NNT: variants seen among roughly 807,000 people sequenced by gnomAD.
The protein encoded by NNT is nicotinamide nucleotide transhydrogenase.
In NNT, 50 loss-of-function variants were observed where a neutral mutation model predicts 104.8. The observed-to-expected ratio is 0.48, with a 90% CI of 0.38 to 0.60. The LOEUF (loss-of-function observed/expected upper bound fraction) is 0.60, where lower values mean the gene tolerates loss of function less well. Ranked by LOEUF, NNT falls within the 20% of genes least tolerant of loss-of-function variation. NNT has a pLI of 0.00. For synonymous variants in NNT, 461 were observed against 490.4 expected, an observed-to-expected ratio of 0.94 and a Z score of 0.79; for missense variants, 1,131 against 1,330.7, an observed-to-expected ratio of 0.85 and a Z score of 2.33.
At chr5:43,669,952 T>G (rs1443708511) in intron 17 of NNT, among the ~76,000 whole-genome samples, 1 of 152,124 alleles carries the variant, frequency 6.6e-6, no homozygotes, top group Non-Finnish European at 1.5e-5. Context: ...ATTGCCTCAA[T>G]TTCAGAGCCT....
chr5:43,671,594 G>T (rs535214249), intron 17 of NNT, among the ~76,000 whole-genome samples: 88 of 152,306 alleles, frequency 5.8e-4, no homozygotes, highest in African/African-American at 2.0e-3. Flanking sequence ...TTTTCTTTAA[G>T]AATGTTGAAT....
intron 4 of NNT, among the ~76,000 whole-genome samples, chr5:43,616,613 A>G (rs1221504860): frequency 6.6e-6 from 1 of 152,252 alleles, no homozygotes; most frequent in Non-Finnish European, 1.5e-5. Context: ...CTTTAAGGTC[A>G]AGATGGTAAT....
At chr5:43,650,843 TG>T (rs1739720482) in intron 12 of NNT, among the ~76,000 whole-genome samples, 1 of 152,222 alleles carries the variant, frequency 6.6e-6, no homozygotes, top group Non-Finnish European at 1.5e-5. Flanking sequence ...AGTTATTGAA[TG>T]CATAGTTTTG....
rs372162909 is a variant in NNT, at chr5:43,624,163, T to G, written c.776+43T>G. On this transcript the variant is annotated intron_variant, in intron 6 of 21. Coordinates refer to ENST00000344920, the MANE Select transcript of NNT (RefSeq NM_182977.3). ...GACTGATGTTAAGGTAAAAACATTT[T>G]GTTTCAGGGGCATATTATGATTGCC... is the stretch of plus-strand genomic sequence containing the variant. 1.2e-5 allele frequency: 18 copies of G among 1,558,096 alleles called. No homozygotes were observed. The African/African-American group carries it at 2.4e-4, about 21-fold the overall frequency.
intron 5 of NNT, among the ~76,000 whole-genome samples, chr5:43,621,575 T>C (rs1021197680): frequency 2.6e-5 from 4 of 152,068 alleles, no homozygotes; most frequent in African/African-American, 9.7e-5. Context: ...GGTTTTTTTT[T>C]TGGAGGCAGG....
Position 43,675,556 on chromosome 5 carries a change from A to G in NNT, c.2680A>G (p.Thr894Ala). The G allele has an allele frequency of 1.2e-6, 2 of 1,613,506 alleles. No homozygotes were observed. ...LANVILGGYG[T>A]TSTAGGKPME... Reference sequence around the variant, plus strand: ...TAATGTGATTCTTGGAGGCTATGGCACCACTTCAACAGCTGGTGGAAAACC... The same window carrying G: ...TAATGTGATTCTTGGAGGCTATGGCGCCACTTCAACAGCTGGTGGAAAACC... The change falls in exon 18 of 22, where the codon ACC becomes GCC. Residue 894 changes from threonine (T) to alanine (A), a missense_variant. Transcript: ENST00000344920.
intron 16 of NNT, 123 bp downstream of exon 16, chr5:43,656,936 T>A: frequency 1.1e-6 from 1 of 894,876 alleles, no homozygotes; most frequent in Non-Finnish European, 1.7e-6. Flanking sequence ...GTTTTAAAAT[T>A]ACGTCACATG....
At chr5:43,676,171 A>T (rs1741405150) in intron 18 of NNT, among the ~76,000 whole-genome samples, 1 of 152,140 alleles carries the variant, frequency 6.6e-6, no homozygotes. Context: ...TTTGTTCTTA[A>T]TTTTGCCTCT....
intron 7 of NNT, among the ~76,000 whole-genome samples, chr5:43,638,607 A>G (rs1751058588): frequency 6.7e-6 from 1 of 150,058 alleles, no homozygotes; most frequent in African/African-American, 2.4e-5. Flanking sequence ...AATTCATATT[A>G]TTTATTTGCT....
intron 17 of NNT, among the ~76,000 whole-genome samples, chr5:43,660,072 A>G (rs1245058449): frequency 6.6e-6 from 1 of 152,230 alleles, no homozygotes; most frequent in Non-Finnish European, 1.5e-5. Context: ...GATCCATCAT[A>G]TGGATATACA....
intron 7 of NNT, among the ~76,000 whole-genome samples, chr5:43,634,161 A>C (rs1158204005): frequency 6.6e-6 from 1 of 152,128 alleles, no homozygotes; most frequent in African/African-American, 2.4e-5. Flanking sequence ...CTTCTGTGGT[A>C]ATTTTCCATG....
At chr5:43,644,461 G>A (rs1751396350) in intron 8 of NNT, 136 bp downstream of exon 8, 1 of 1,210,238 alleles carries the variant, frequency 8.3e-7, no homozygotes, top group African/African-American at 1.6e-5. Context: ...TAAAGCTCCT[G>A]TTGAAATATG....
chr5:43,667,292 T>G, intron 17 of NNT: 1 of 664,710 alleles, frequency 1.5e-6, no homozygotes, highest in Non-Finnish European at 2.6e-6. Context: ...ATTATTATAC[T>G]TTAAGTTCTA....
chr5:43,675,102 C>CAGT (rs1741341555), intron 17 of NNT, among the ~76,000 whole-genome samples: 1 of 152,072 alleles, frequency 6.6e-6, no homozygotes, highest in African/African-American at 2.4e-5. Context: ...TGATTCTTAC[C>CAGT]AGTTGCTTCT....
At chr5:43,678,605 G>A (rs759509857) in intron 19 of NNT, among the ~76,000 whole-genome samples, 4 of 152,044 alleles carry the variant, frequency 2.6e-5, no homozygotes, top group Non-Finnish European at 5.9e-5. Context: ...TTTGGTTTCC[G>A]GTCACACTGA....
At chr5:43,687,230 T>C (rs1457744488) in intron 19 of NNT, among the ~76,000 whole-genome samples, 1 of 152,174 alleles carries the variant, frequency 6.6e-6, no homozygotes, top group African/African-American at 2.4e-5. Context: ...GCAAGATCTT[T>C]CTATGACCTC....
chr5:43,617,545 T>C (rs34153332), intron 4 of NNT, among the ~76,000 whole-genome samples: 5,135 of 152,288 alleles, frequency 0.034, 130 homozygotes, highest in East Asian at 0.12. Context: ...TAAATCATTA[T>C]CCGTCTCATT....
Position 43,707,227 on chromosome 5 carries a change from T to C in NNT, c.*2823T>C, listed in dbSNP as rs553315800. 3.3e-5 allele frequency: 5 copies of C among 151,978 alleles called. No homozygotes were observed. In the South Asian group the frequency reaches 1.0e-3, roughly 32 times the overall value. 9.4% of individuals were successfully genotyped at this position (151,978 alleles called of 1,614,324 possible). On this transcript the variant is annotated 3_prime_UTR_variant, in exon 22 of 22. Transcript: ENST00000344920. The stretch of plus-strand genomic sequence containing the variant: ...GAAATTTTGGGGTAAAAAAACACAA[T>C]ATATTGTATTCTTGAAAAATTCTAA...
At chr5:43,669,710 G>A (rs1247141898) in intron 17 of NNT, among the ~76,000 whole-genome samples, 8 of 152,150 alleles carry the variant, frequency 5.3e-5, no homozygotes, top group South Asian at 2.1e-4. Flanking sequence ...TTTTTGCATC[G>A]ATGTTCATCG....
Sources: allele counts gnomAD v4.1 joint callset (sites outside exome capture counted in the v4.1 genomes callset), GRCh38; gene constraint gnomAD v4.1.1; transcripts MANE v1.5; gene names NCBI Gene and HGNC (gene_info 2026-07-23, HGNC 2026-07-21).